The following FBXO34 variants were observed in gnomAD, a reference collection of about 807,000 sequenced individuals.
The protein encoded by FBXO34 is F-box protein 34.
In FBXO34, 12 loss-of-function variants were observed where a neutral mutation model predicts 24.5. That is an observed-to-expected ratio of 0.49 (90% CI 0.31 to 0.79). The LOEUF is 0.79. FBXO34 is among the 30% of genes least tolerant of loss of function. FBXO34 has a pLI of 0.04. For synonymous variants in FBXO34, 320 were observed against 311.9 expected (o/e 1.03, Z -0.27); for missense variants, 823 against 857.7 (o/e 0.96, Z 0.51).
chr14:55,393,267 C>T, the FBXO34 span, among the ~76,000 whole-genome samples: 2 of 152,076 alleles, frequency 1.3e-5, no homozygotes, highest in South Asian at 2.1e-4. Context: ...CGCCTGTAGT[C>T]CCAGCTACTC....
intron 1 of FBXO34, among the ~76,000 whole-genome samples, chr14:55,345,372 C>T (rs2140078950): frequency 6.6e-6 from 1 of 152,294 alleles, no homozygotes. Flanking sequence ...CTCTTTATTT[C>T]CCACCTACCT....
At chr14:55,309,974 T>G (rs1366267073) in intron 1 of FBXO34, among the ~76,000 whole-genome samples, 1 of 152,168 alleles carries the variant, frequency 6.6e-6, no homozygotes, top group Non-Finnish European at 1.5e-5. Flanking sequence ...ATAGTGATAA[T>G]GAGGCAGCTA....
At chr14:55,442,289 C>T in the FBXO34 span, among the ~76,000 whole-genome samples, 3 of 150,302 alleles carry the variant, frequency 2.0e-5, no homozygotes, top group East Asian at 4.0e-4. Context: ...CTCAGGAGGC[C>T]GAGGCAGGAG....
chr14:55,312,464 G>A (rs1225814171), intron 1 of FBXO34, among the ~76,000 whole-genome samples: 2 of 152,154 alleles, frequency 1.3e-5, no homozygotes, highest in East Asian at 3.9e-4. Flanking sequence ...AGCTCAACTA[G>A]GCAGTACCCC....
the FBXO34 span, among the ~76,000 whole-genome samples, chr14:55,395,626 C>T: frequency 6.6e-6 from 1 of 152,232 alleles, no homozygotes; most frequent in Admixed American, 6.5e-5. Flanking sequence ...TTCTTTGACA[C>T]ATTTAATCAT....
chr14:55,294,023 T>A (rs1300776363), intron 1 of FBXO34, among the ~76,000 whole-genome samples: 2 of 152,186 alleles, frequency 1.3e-5, no homozygotes, highest in African/African-American at 2.4e-5. Context: ...ATTCCTTAGA[T>A]AAATCTTCAT....
intron 1 of FBXO34, among the ~76,000 whole-genome samples, chr14:55,341,649 T>C (rs138456212): frequency 6.0e-4 from 91 of 152,332 alleles, no homozygotes; most frequent in African/African-American, 2.1e-3. Flanking sequence ...CAAAATGTAT[T>C]AATTTTTTTG....
chr14:55,435,993 A>G, the FBXO34 span: 3 of 1,127,016 alleles, frequency 2.7e-6, no homozygotes, highest in South Asian at 1.4e-5. Flanking sequence ...AAAAAAAAAA[A>G]GACAACTTAT....
chr14:55,354,515 A>G (rs1426076819), downstream of FBXO34: 4 of 152,262 alleles, frequency 2.6e-5, no homozygotes, highest in Non-Finnish European at 5.9e-5. Flanking sequence ...GCCACTCTTG[A>G]TCTGGTTTTC....
At chr14:55,373,317 A>C (rs1884857885), downstream of FBXO34, among the ~76,000 whole-genome samples, 6 of 152,218 alleles carry the variant, frequency 3.9e-5, no homozygotes, top group South Asian at 1.0e-3. Context: ...AGCTTTGTAA[A>C]AGTCACTTTT....
the FBXO34 span, chr14:55,411,706 A>G: frequency 1.2e-6 from 2 of 1,612,634 alleles, no homozygotes; most frequent in South Asian, 2.2e-5. Context: ...AGCGCTCCAC[A>G]GCCACGTACA....
the FBXO34 span, among the ~76,000 whole-genome samples, chr14:55,386,954 A>G: frequency 6.6e-6 from 1 of 152,062 alleles, no homozygotes; most frequent in Non-Finnish European, 1.5e-5. Flanking sequence ...CTACTTCAAG[A>G]TTATTTTTGA....
the FBXO34 span, chr14:55,428,896 A>C: frequency 2.5e-6 from 4 of 1,614,204 alleles, no homozygotes; most frequent in Non-Finnish European, 3.4e-6. Context: ...GAATTTTAAA[A>C]TCGAGGAATC....
chr14:55,333,953 A>T (rs147449999), intron 1 of FBXO34, among the ~76,000 whole-genome samples: 161 of 152,236 alleles, frequency 1.1e-3, no homozygotes, highest in African/African-American at 3.5e-3. Context: ...AACAACATGA[A>T]AGTTGTTTTT....
chr14:55,327,767 G>A (rs1234630895), intron 1 of FBXO34, among the ~76,000 whole-genome samples: 1 of 151,968 alleles, frequency 6.6e-6, no homozygotes, highest in African/African-American at 2.4e-5. Flanking sequence ...GCCTCCGGTG[G>A]ATTCCTGAAA....
the FBXO34 span, among the ~76,000 whole-genome samples, chr14:55,408,608 A>C: frequency 6.6e-6 from 1 of 152,102 alleles, no homozygotes; most frequent in Non-Finnish European, 1.5e-5. Flanking sequence ...CTGTCTCTAC[A>C]AAAAATTTAA....
At chr14:55,323,017 C>CAAAAAAAAAA (rs1444620301) in intron 1 of FBXO34, among the ~76,000 whole-genome samples, 101 of 40,840 alleles carry the variant, frequency 2.5e-3, no homozygotes, top group African/African-American at 9.7e-3. Context: ...ACTAAAAATA[C>CAAAAAAAAAA]AAAAAAAAAA....
chr14:55,434,145 G>GA, the FBXO34 span, among the ~76,000 whole-genome samples: 1 of 152,088 alleles, frequency 6.6e-6, no homozygotes, highest in African/African-American at 2.4e-5. Flanking sequence ...AATCTTTTGG[G>GA]AAAAAAATAA....
At chr14:55,411,828 C>G in the FBXO34 span, 3 of 1,584,512 alleles carry the variant, frequency 1.9e-6, no homozygotes, top group Non-Finnish European at 1.7e-6. Context: ...GCCATGATGG[C>G]CTGAGAGGAG....
Sources: gnomAD v4.1 joint callset for allele counts (sites outside exome capture counted in the v4.1 genomes callset) on GRCh38, gnomAD v4.1.1 for gene constraint, MANE v1.5 for transcripts, NCBI Gene and HGNC (gene_info 2026-07-23, HGNC 2026-07-21) for gene names.